Variants in DNAH6 observed in about 807,000 individuals in gnomAD.
The protein encoded by DNAH6 is axonemal beta dynein heavy chain 6.
A neutral mutation model predicts 491.4 loss-of-function variants in DNAH6; 340 were observed. That is an observed-to-expected ratio of 0.69 (90% CI 0.63 to 0.76). DNAH6 has a LOEUF of 0.76. Ranked by LOEUF, DNAH6 falls within the 30% of genes least tolerant of loss-of-function variation. The probability of loss-of-function intolerance (pLI) is 0.00; values close to 1 mark genes in which losing one functional copy is unlikely to be tolerated. For synonymous variants in DNAH6, 1,603 were observed against 1,686.1 expected (o/e 0.95, Z 1.21); for missense variants, 4,443 against 4,972.2 (o/e 0.89, Z 3.20).
intron 9 of DNAH6, among the ~76,000 whole-genome samples, chr2:84,551,114 A>T (rs1172410755): frequency 6.6e-6 from 1 of 152,034 alleles, no homozygotes; most frequent in Non-Finnish European, 1.5e-5. Context: ...CACAGCTTAA[A>T]TCTCCCACTC....
intron 64 of DNAH6, chr2:84,777,987 T>C (rs1400087351): frequency 8.4e-6 from 8 of 952,914 alleles, no homozygotes; most frequent in African/African-American, 6.4e-5. Flanking sequence ...AGCTTGGAAT[T>C]TGCAGTTACA....
Position 84,780,010 on chromosome 2 carries a change from G to A in DNAH6, c.10704-1483G>A, listed in dbSNP as rs544827645. 5.9e-5 allele frequency among the ~76,000 whole-genome samples: 9 copies of A among 152,248 alleles called. No homozygotes were observed. In the South Asian group the frequency reaches 1.7e-3, roughly 28 times the overall value. On this transcript the variant is annotated intron_variant, in intron 64 of 76. Transcript: ENST00000389394. ...GTTTTTGCTGAGAAGTCTGCTGTTA[G>A]CCTGATAGGACGACCTTTGTAAGGG...
At position 84,596,861 on chromosome 2, in the gene DNAH6, A is replaced by G. The variant is rs1201857001; in HGVS notation, c.2868+1072A>G. Among the ~76,000 whole-genome samples the G allele has an allele frequency of 3.3e-5, 5 of 152,196 alleles. No homozygotes were observed. The East Asian group carries it at 9.6e-4, about 29-fold the overall frequency. ...TGCCTTTAGTGTGATTACATCATAT[A>G]ATTGTAAACAAATTTATTTGTTAAA... On this transcript the variant is annotated intron_variant, in intron 18 of 76. Transcript: ENST00000389394.
At chr2:84,692,424 GATAGA>G (rs1694950346) in intron 45 of DNAH6, among the ~76,000 whole-genome samples, 3 of 7,416 alleles carry the variant, frequency 4.0e-4, no homozygotes, top group African/African-American at 1.6e-3. Context: ...AAGGTAGATA[GATAGA>G]TAGATAGATA....
chr2:84,715,459 G>A, intron 57 of DNAH6, 101 bp from the exon 58 acceptor site: 1 of 1,108,608 alleles, frequency 9.0e-7, no homozygotes, highest in Non-Finnish European at 1.3e-6. Context: ...TTAGACCTGA[G>A]ATACATCCGC....
chr2:84,714,616 T>G (rs1697350292), intron 57 of DNAH6, among the ~76,000 whole-genome samples: 1 of 151,760 alleles, frequency 6.6e-6, no homozygotes, highest in Non-Finnish European at 1.5e-5. Context: ...AATCAGAATG[T>G]TTTTTACTCA....
chr2:84,509,907 C>T, the DNAH6 span, among the ~76,000 whole-genome samples: 3 of 152,232 alleles, frequency 2.0e-5, no homozygotes, highest in African/African-American at 7.2e-5. Context: ...TTGGCCCCCA[C>T]TCTCTTCTGC....
At chr2:84,735,484 A>C (rs1349049738) in intron 62 of DNAH6, among the ~76,000 whole-genome samples, 1 of 152,230 alleles carries the variant, frequency 6.6e-6, no homozygotes, top group Non-Finnish European at 1.5e-5. Context: ...CTTTTCACAG[A>C]GGCTGAACTA....
intron 43 of DNAH6, among the ~76,000 whole-genome samples, chr2:84,685,779 A>G (rs941618294): frequency 1.1e-4 from 16 of 152,156 alleles, no homozygotes; most frequent in Non-Finnish European, 1.5e-5. Flanking sequence ...GCAAGACCCC[A>G]TCTCTACTAA....
intron 12 of DNAH6, 83 bp from the exon 13 acceptor site, chr2:84,577,174 C>A: frequency 2.5e-6 from 2 of 805,934 alleles, no homozygotes; most frequent in Non-Finnish European, 1.8e-6. Context: ...TTTATCAATG[C>A]AATGATTTTT....
intron 37 of DNAH6, among the ~76,000 whole-genome samples, chr2:84,664,027 C>T (rs1337755987): frequency 6.6e-6 from 1 of 152,090 alleles, no homozygotes; most frequent in African/African-American, 2.4e-5. Flanking sequence ...AAATAAAAAT[C>T]CTTTACAGAC....
rs756292533 is a variant in DNAH6, at chr2:84,697,742, A to C, written c.7677+15A>C. The C allele has an allele frequency of 6.5e-7, 1 of 1,549,722 alleles. No individual in the cohort carries two copies. The highest frequency in any genetic ancestry group is 1.2e-5 in the South Asian group (1 of 84,048). On this transcript the variant is annotated intron_variant, in intron 47 of 76. Coordinates refer to ENST00000389394, the MANE Select transcript of DNAH6 (RefSeq NM_001370.2). ...ACAGAGACGAGGTAGGATGTGCCAG[A>C]GTAGTTATGTGGCTTTATCACAAAA...
In DNAH6 at chr2:84,733,442, AG is replaced by A; in HGVS notation, c.10207del. On this transcript the variant is annotated splice_acceptor_variant, in intron 61 of 76. Coordinates refer to ENST00000389394, the MANE Select transcript of DNAH6 (RefSeq NM_001370.2). LOFTEE classifies it high-confidence loss of function. Reference sequence around the variant, plus strand: ...TATTATTCATTTTCTGTCTTCAAACAGGAACGCCCACCTAAGCCTGAAGCTC... The same window carrying A: ...TATTATTCATTTTCTGTCTTCAAACAGAACGCCCACCTAAGCCTGAAGCTC... The A allele has an allele frequency of 1.3e-6, 2 of 1,549,282 alleles. No homozygotes were observed. The highest frequency in any genetic ancestry group is 1.7e-6 in the Non-Finnish European group (2 of 1,145,706).
the DNAH6 span, among the ~76,000 whole-genome samples, chr2:84,507,177 A>G: frequency 6.6e-6 from 1 of 152,104 alleles, no homozygotes; most frequent in Non-Finnish European, 1.5e-5. Flanking sequence ...TTTTCACAAT[A>G]TTGATTCTTC....
chr2:84,731,726 T>C (rs1310041795), intron 61 of DNAH6, among the ~76,000 whole-genome samples: 1 of 151,490 alleles, frequency 6.6e-6, no homozygotes, highest in African/African-American at 2.4e-5. Flanking sequence ...TGAAAGGAGG[T>C]TGATGGAATT....
At chr2:84,748,136 A>G (rs535321347) in intron 63 of DNAH6, among the ~76,000 whole-genome samples, 66 of 152,242 alleles carry the variant, frequency 4.3e-4, no homozygotes, top group African/African-American at 1.4e-3. Flanking sequence ...GAATGGTAGC[A>G]CCTGGCTCCC....
Position 84,713,167 on chromosome 2 carries a change from C to T in DNAH6, c.9451C>T (p.Leu3151Phe). Residue 3151 changes from leucine to phenylalanine, a missense_variant, in exon 57 of 77, where the codon CTC (leucine) becomes TTC (phenylalanine). This residue lies in a region of DNAH6 where 1,463 missense variants were observed against 1,656.6 expected (regional missense o/e 0.88). Transcript: ENST00000389394. The part of the protein sequence containing the change: ...KQIFISGGRL[L>F]IRLGDSDIDY... ...AATTTTTATCAGTGGTGGCCGACTA[C>T]TCATCCGTCTTGGAGACTCAGACAT... 1 of 1,551,794 alleles carries T rather than the reference C, an allele frequency of 6.4e-7. No individual in the cohort carries two copies.
intron 55 of DNAH6, 118 bp downstream of exon 55, chr2:84,709,664 G>C (rs540883389): frequency 3.6e-6 from 4 of 1,112,788 alleles, no homozygotes; most frequent in Admixed American, 4.4e-5. Flanking sequence ...CATACATGGA[G>C]ATTTAGACCT....
At chr2:84,793,215 TAC>T (rs201887967) in intron 68 of DNAH6, among the ~76,000 whole-genome samples, 1 of 141,344 alleles carries the variant, frequency 7.1e-6, no homozygotes, top group East Asian at 2.0e-4. Flanking sequence ...TGCACACACG[TAC>T]ACACACACGG....
Sources: gnomAD v4.1 joint callset for allele counts (sites outside exome capture counted in the v4.1 genomes callset) on GRCh38, gnomAD v4.1.1 for gene constraint, gnomAD v4.1.1 regional missense constraint, MANE v1.5 for transcripts, NCBI Gene and HGNC (gene_info 2026-07-23, HGNC 2026-07-21) for gene names.